KCTD8: variants seen among roughly 807,000 people sequenced by gnomAD.
The protein encoded by KCTD8 is BTB/POZ domain-containing protein KCTD8.
In KCTD8, 27 loss-of-function variants were observed where a neutral mutation model predicts 31.5. That is an observed-to-expected ratio of 0.86 (90% CI 0.63 to 1.18). The LOEUF is 1.18. KCTD8 is among the 50% of genes most tolerant of loss of function. KCTD8 has a pLI of 0.00. For missense variants in KCTD8, 658 were observed against 647.7 expected, an observed-to-expected ratio of 1.02 and a Z score of -0.17; for synonymous variants, 290 against 280.0, an observed-to-expected ratio of 1.04 and a Z score of -0.36.
chr4:44,357,003 T>C (rs1003354467), intron 1 of KCTD8, among the ~76,000 whole-genome samples: 1 of 151,908 alleles, frequency 6.6e-6, no homozygotes, highest in African/African-American at 2.4e-5. Context: ...ATAACTTTTG[T>C]AGACTATCCT....
intron 1 of KCTD8, among the ~76,000 whole-genome samples, chr4:44,269,007 C>T (rs1415023916): frequency 2.0e-5 from 3 of 152,152 alleles, no homozygotes; most frequent in Admixed American, 2.0e-4. Context: ...ATCAAGCTAC[C>T]AATGACTTTC....
chr4:44,202,855 TTAA>T (rs1400116014), intron 1 of KCTD8, among the ~76,000 whole-genome samples: 2 of 152,158 alleles, frequency 1.3e-5, no homozygotes, highest in Non-Finnish European at 2.9e-5. Flanking sequence ...AAAAGTCATG[TTAA>T]TAATTGTAAA....
chr4:44,288,564 T>C (rs1186425644), intron 1 of KCTD8, among the ~76,000 whole-genome samples: 3 of 152,126 alleles, frequency 2.0e-5, no homozygotes, highest in Admixed American at 6.5e-5. Flanking sequence ...CTTTGCATAG[T>C]TGAAACAATC....
At chr4:44,299,498 A>C (rs1717540577) in intron 1 of KCTD8, among the ~76,000 whole-genome samples, 1 of 152,146 alleles carries the variant, frequency 6.6e-6, no homozygotes, top group South Asian at 2.1e-4. Context: ...TGGGAGGCCA[A>C]GGCAGGCGGA....
intron 1 of KCTD8, among the ~76,000 whole-genome samples, chr4:44,435,902 C>T (rs1156385474): frequency 6.6e-6 from 1 of 152,052 alleles, no homozygotes; most frequent in African/African-American, 2.4e-5. Context: ...AATACTTAAG[C>T]ATTTGCCCTG....
At chr4:44,197,159 A>C (rs1713970503) in intron 1 of KCTD8, among the ~76,000 whole-genome samples, 1 of 152,084 alleles carries the variant, frequency 6.6e-6, no homozygotes, top group Non-Finnish European at 1.5e-5. Flanking sequence ...GACAGGACTC[A>C]TTGGTTTGGG....
At chr4:44,301,852 T>C (rs1717633961) in intron 1 of KCTD8, among the ~76,000 whole-genome samples, 1 of 152,246 alleles carries the variant, frequency 6.6e-6, no homozygotes, top group African/African-American at 2.4e-5. Flanking sequence ...TGGTTTTAGT[T>C]CTAACATTTA....
intron 1 of KCTD8, among the ~76,000 whole-genome samples, chr4:44,206,404 A>G (rs546889991): frequency 2.0e-5 from 3 of 152,308 alleles, no homozygotes; most frequent in Admixed American, 2.0e-4. Flanking sequence ...AGCCCCAGCC[A>G]CATGCCCACA....
At chr4:44,220,721 G>T (rs1442962221) in intron 1 of KCTD8, among the ~76,000 whole-genome samples, 2 of 151,998 alleles carry the variant, frequency 1.3e-5, no homozygotes, top group African/African-American at 2.4e-5. Context: ...AAAGTTTAGG[G>T]GTATTTAGGG....
rs75394434 is a variant in KCTD8, at chr4:44,193,643, CA to C, written c.962-18394del. ...TTTATTTTACATCTAGGTATTTTAACAAAAAAAAAAAAATTAAAGGCTACAC... is the reference window on the plus strand; with the variant it reads ...TTTATTTTACATCTAGGTATTTTAACAAAAAAAAAAAATTAAAGGCTACAC... On this transcript the variant is annotated intron_variant, in intron 1 of 1. Coordinates refer to ENST00000360029, the MANE Select transcript of KCTD8 (RefSeq NM_198353.3). Among the ~76,000 whole-genome samples, 254 of 132,258 alleles carry C rather than the reference CA, an allele frequency of 1.9e-3. 1 individual carries two copies. The highest frequency in any genetic ancestry group is 0.015 in the East Asian group (70 of 4,658). 86.8% of individuals were successfully genotyped at this position (132,258 alleles called of 152,430 possible). A position where few individuals can be genotyped will look rare whatever the true frequency, so the allele number is the denominator to read the frequency against.
At chr4:44,429,411 A>G (rs1721418984) in intron 1 of KCTD8, among the ~76,000 whole-genome samples, 1 of 151,954 alleles carries the variant, frequency 6.6e-6, no homozygotes, top group East Asian at 1.9e-4. Context: ...TGTGGAAATA[A>G]GCAAGGAAAG....
At chr4:44,300,626 A>C (rs1029349090) in intron 1 of KCTD8, among the ~76,000 whole-genome samples, 4 of 152,216 alleles carry the variant, frequency 2.6e-5, no homozygotes, top group African/African-American at 9.6e-5. Flanking sequence ...ATGTACTGTT[A>C]TATGCAATAA....
chr4:44,397,410 T>C (rs1340639517), intron 1 of KCTD8, among the ~76,000 whole-genome samples: 1 of 152,296 alleles, frequency 6.6e-6, no homozygotes, highest in East Asian at 1.9e-4. Flanking sequence ...TATAGGTAGA[T>C]AGAAAGTGTT....
Position 44,362,661 on chromosome 4 carries a change from A to T in KCTD8, c.961+84902T>A, listed in dbSNP as rs543401652. On this transcript the variant is annotated intron_variant, in intron 1 of 1. Transcript: ENST00000360029. The stretch of plus-strand genomic sequence containing the variant: ...AATTGTGGTAGGAACATAATGGAAA[A>T]TAAATATTTCAAATGATACTACAGA... Among the ~76,000 whole-genome samples, 3 of 152,216 alleles carry T rather than the reference A, an allele frequency of 2.0e-5. No individual in the cohort carries two copies. In the East Asian group the frequency reaches 5.8e-4, roughly 29 times the overall value.
chr4:44,207,485 T>C (rs1714349148), intron 1 of KCTD8, among the ~76,000 whole-genome samples: 1 of 152,194 alleles, frequency 6.6e-6, no homozygotes, highest in Non-Finnish European at 1.5e-5. Context: ...GTCTCCCACC[T>C]ACCTTACATA....
At chr4:44,378,039 A>T (rs1325412350) in intron 1 of KCTD8, among the ~76,000 whole-genome samples, 1 of 151,776 alleles carries the variant, frequency 6.6e-6, no homozygotes, top group Non-Finnish European at 1.5e-5. Flanking sequence ...TAATTTTTTT[A>T]TTAAAAAGAA....
intron 1 of KCTD8, among the ~76,000 whole-genome samples, chr4:44,240,385 C>A (rs1715422574): frequency 1.3e-5 from 2 of 152,186 alleles, no homozygotes; most frequent in South Asian, 4.1e-4. Flanking sequence ...TTGCCAGAGG[C>A]TTGTTGTGTT....
intron 1 of KCTD8, among the ~76,000 whole-genome samples, chr4:44,236,450 T>G (rs2109355122): frequency 6.8e-6 from 1 of 146,440 alleles, no homozygotes. Context: ...GTCTATTCAC[T>G]TTAAAATGAG....
At chr4:44,386,379 C>A (rs1319936359) in intron 1 of KCTD8, among the ~76,000 whole-genome samples, 3 of 151,094 alleles carry the variant, frequency 2.0e-5, no homozygotes, top group African/African-American at 7.3e-5. Context: ...GAAAAAAAAA[C>A]TAAGGCGTGC....
Sources: allele counts gnomAD v4.1 joint callset (sites outside exome capture counted in the v4.1 genomes callset), GRCh38; gene constraint gnomAD v4.1.1; transcripts MANE v1.5; gene names NCBI Gene and HGNC (gene_info 2026-07-23, HGNC 2026-07-21).